CDH13: variants seen among roughly 807,000 people sequenced by gnomAD.
CDH13 encodes the protein cadherin-13.
In CDH13, 24 loss-of-function variants were observed where a neutral mutation model predicts 63.8. That is an observed-to-expected ratio of 0.38 (90% CI 0.27 to 0.53). CDH13 has a LOEUF of 0.53. Among genes scored for constraint, CDH13 ranks in the 20% least tolerant of loss-of-function variants. The pLI is 0.85. For missense variants in CDH13, 1,049 were observed against 903.1 expected (o/e 1.16, Z -2.07); for synonymous variants, 503 against 355.3 (o/e 1.42, Z -4.67).
intron 5 of CDH13, among the ~76,000 whole-genome samples, chr16:83,228,117 T>G (rs1032893589): frequency 6.6e-6 from 1 of 152,116 alleles, no homozygotes; most frequent in African/African-American, 2.4e-5. Context: ...CAGGAATGAG[T>G]GCTGTCCTTA....
chr16:83,443,061 G>C (rs188074532), intron 6 of CDH13, among the ~76,000 whole-genome samples: 1 of 152,310 alleles, frequency 6.6e-6, no homozygotes, highest in Admixed American at 6.5e-5. Context: ...CAGCTGTTCA[G>C]ACCTCAATCT....
rs1406531615 is a variant in CDH13 at position 83,795,624 on chromosome 16, C to G, written c.*594C>G. On this transcript the variant is annotated 3_prime_UTR_variant, in exon 14 of 14. Transcript: ENST00000567109. ...CCGTTCAGTCTGAATGCTGCCACAA[C>G]CAGCCAGGCAGGTCCACAGAGAGGG... The G allele has an allele frequency of 6.6e-6, 1 of 152,268 alleles. No individual in the cohort carries two copies. The highest frequency in any genetic ancestry group is 1.5e-5 in the Non-Finnish European group (1 of 68,116). 9.4% of individuals were successfully genotyped at this position (152,268 alleles called of 1,614,324 possible).
At chr16:83,616,932 T>C (rs1018182662) in intron 8 of CDH13, among the ~76,000 whole-genome samples, 40 of 152,316 alleles carry the variant, frequency 2.6e-4, no homozygotes, top group African/African-American at 8.2e-4. Context: ...CACACTCTGT[T>C]CCCTTCTTCC....
intron 6 of CDH13, among the ~76,000 whole-genome samples, chr16:83,439,271 C>T (rs116470350): frequency 0.019 from 2,859 of 152,270 alleles, 42 homozygotes; most frequent in African/African-American, 0.041. Context: ...GCTATTAATA[C>T]TATTTATTGT....
chr16:82,931,523 T>C (rs910000138), intron 2 of CDH13, among the ~76,000 whole-genome samples: 1 of 151,804 alleles, frequency 6.6e-6, no homozygotes, highest in Non-Finnish European at 1.5e-5. Context: ...CTTTTTTTTT[T>C]TTTTGATGTT....
At chr16:82,902,348 G>C (rs779419086) in intron 2 of CDH13, among the ~76,000 whole-genome samples, 4 of 150,366 alleles carry the variant, frequency 2.7e-5, no homozygotes, top group Non-Finnish European at 4.4e-5. Context: ...AATCAATTTT[G>C]ACTTGTTTTC....
At chr16:82,763,124 C>T (rs2034916297) in intron 1 of CDH13, among the ~76,000 whole-genome samples, 1 of 152,152 alleles carries the variant, frequency 6.6e-6, no homozygotes, top group Non-Finnish European at 1.5e-5. Flanking sequence ...ACCGCAGGGC[C>T]TTTGTATGTG....
chr16:83,239,017 T>A (rs1055075995), intron 5 of CDH13, among the ~76,000 whole-genome samples: 1 of 152,202 alleles, frequency 6.6e-6, no homozygotes, highest in Admixed American at 6.5e-5. Flanking sequence ...CATGTGCTGT[T>A]ACTGGCATCT....
At chr16:83,444,459 A>G (rs2072605122) in intron 6 of CDH13, among the ~76,000 whole-genome samples, 1 of 152,202 alleles carries the variant, frequency 6.6e-6, no homozygotes, top group Non-Finnish European at 1.5e-5. Context: ...ATACATTAGA[A>G]TCACCTGGAA....
intron 3 of CDH13, among the ~76,000 whole-genome samples, chr16:83,102,354 G>A (rs1421145770): frequency 6.6e-6 from 1 of 152,206 alleles, no homozygotes; most frequent in African/African-American, 2.4e-5. Context: ...CAATTCTGTG[G>A]CTATCTGGCG....
chr16:83,045,863 A>C (rs1053305913), intron 3 of CDH13, among the ~76,000 whole-genome samples: 6 of 152,238 alleles, frequency 3.9e-5, no homozygotes, highest in Non-Finnish European at 5.9e-5. Flanking sequence ...GGTCTCATCC[A>C]AAGTTTTCAG....
chr16:83,437,475 A>G lies in CDH13; in HGVS notation c.782-49002A>G, dbSNP rs551722496. On this transcript the variant is annotated intron_variant, in intron 6 of 13. Transcript: ENST00000567109. ...TGGATCACCTGAGATCAGGAGATCG[A>G]GACCATCCTGGCTAACACAGTGAAA... Among the ~76,000 whole-genome samples, 8 of 152,236 alleles carry G rather than the reference A, an allele frequency of 5.3e-5. No individual in the cohort carries two copies. In the South Asian group the frequency reaches 1.7e-3, roughly 32 times the overall value.
chr16:83,475,621 A>T (rs1263273876), intron 6 of CDH13, among the ~76,000 whole-genome samples: 1 of 152,088 alleles, frequency 6.6e-6, no homozygotes, highest in Non-Finnish European at 1.5e-5. Context: ...TCTCTCTGTC[A>T]CCCAGGCTGG....
At chr16:83,316,302 A>G (rs955190250) in intron 5 of CDH13, among the ~76,000 whole-genome samples, 4 of 152,214 alleles carry the variant, frequency 2.6e-5, no homozygotes, top group African/African-American at 9.6e-5. Flanking sequence ...ACCATATCAC[A>G]CATACACACA....
chr16:83,367,432 TATGA>T (rs1393447192), intron 6 of CDH13, among the ~76,000 whole-genome samples: 1 of 152,250 alleles, frequency 6.6e-6, no homozygotes, highest in Non-Finnish European at 1.5e-5. Flanking sequence ...TTTTGGCTAC[TATGA>T]ATAATGCTGC....
intron 8 of CDH13, among the ~76,000 whole-genome samples, chr16:83,605,395 G>C (rs1908230979): frequency 6.6e-6 from 1 of 152,190 alleles, no homozygotes; most frequent in African/African-American, 2.4e-5. Flanking sequence ...ATACACTTTG[G>C]ATAGTAACAC....
intron 7 of CDH13, among the ~76,000 whole-genome samples, chr16:83,489,200 TC>T (rs1244290562): frequency 1.3e-5 from 2 of 152,226 alleles, no homozygotes; most frequent in African/African-American, 4.8e-5. Flanking sequence ...TAGTAAATTA[TC>T]CCATTTTTAA....
chr16:83,316,184 C>A (rs370159294), intron 5 of CDH13, among the ~76,000 whole-genome samples: 1 of 152,114 alleles, frequency 6.6e-6, no homozygotes, highest in Non-Finnish European at 1.5e-5. Flanking sequence ...CATGGGGGAA[C>A]CACCCCCATG....
At chr16:83,481,772 T>C (rs2073771377) in intron 6 of CDH13, among the ~76,000 whole-genome samples, 1 of 152,118 alleles carries the variant, frequency 6.6e-6, no homozygotes, top group Non-Finnish European at 1.5e-5. Flanking sequence ...CAGGAGAGTA[T>C]TGTGACGGGG....
Sources: gnomAD v4.1 joint callset for allele counts (sites outside exome capture counted in the v4.1 genomes callset) on GRCh38, gnomAD v4.1.1 for gene constraint, MANE v1.5 for transcripts, NCBI Gene and HGNC (gene_info 2026-07-23, HGNC 2026-07-21) for gene names.